Variants in GABRB2 observed in about 807,000 individuals in gnomAD.
The protein encoded by GABRB2 is gamma-aminobutyric acid receptor subunit beta-2.
GABRB2 carries 16 observed loss-of-function variants against 54.7 expected under a neutral mutation model. The observed-to-expected ratio is 0.29, with a 90% confidence interval of 0.20 to 0.44. The LOEUF is 0.44. Among genes scored for constraint, GABRB2 ranks in the 20% least tolerant of loss-of-function variants. The pLI, the probability that GABRB2 is intolerant of heterozygous loss-of-function variation, is 1.00. For missense variants in GABRB2, 355 were observed against 644.0 expected (o/e 0.55, Z 4.86); for synonymous variants, 244 against 233.8 (o/e 1.04, Z -0.40).
intron 5 of GABRB2, among the ~76,000 whole-genome samples, chr5:161,347,861 C>T (rs1580904215): frequency 6.6e-6 from 1 of 152,008 alleles, no homozygotes; most frequent in Admixed American, 6.5e-5. Context: ...CCATTTTTTT[C>T]CCCATTCATT....
intron 9 of GABRB2, among the ~76,000 whole-genome samples, chr5:161,317,064 T>C (rs1758061621): frequency 6.6e-6 from 1 of 152,032 alleles, no homozygotes; most frequent in Non-Finnish European, 1.5e-5. Context: ...GTGGCAGGTG[T>C]GTGTGTGTGC....
intron 9 of GABRB2, among the ~76,000 whole-genome samples, chr5:161,298,247 C>T (rs1211669403): frequency 6.6e-6 from 1 of 152,084 alleles, no homozygotes; most frequent in Non-Finnish European, 1.5e-5. Flanking sequence ...CTCTGATGAT[C>T]ATTTCTTTTG....
At chr5:161,495,468 T>G (rs935899966) in intron 3 of GABRB2, among the ~76,000 whole-genome samples, 54 of 152,118 alleles carry the variant, frequency 3.5e-4, no homozygotes, top group African/African-American at 1.2e-3. Flanking sequence ...TTTCACTGAT[T>G]TTAATGAATT....
chr5:161,333,009 C>T (rs1225539115), intron 7 of GABRB2, among the ~76,000 whole-genome samples: 1 of 152,094 alleles, frequency 6.6e-6, no homozygotes, highest in Non-Finnish European at 1.5e-5. Flanking sequence ...TACGGATGAT[C>T]CTGTATCATA....
chr5:161,344,108 A>C (rs1426725575), intron 5 of GABRB2, among the ~76,000 whole-genome samples: 1 of 152,096 alleles, frequency 6.6e-6, no homozygotes, highest in African/African-American at 2.4e-5. Flanking sequence ...CAGGCAAGGA[A>C]AATCTTGTAT....
rs150401895 is a variant in GABRB2, at chr5:161,536,000, C to T, written c.237+9227G>A. 1.6e-3 allele frequency among the ~76,000 whole-genome samples: 241 copies of T among 152,270 alleles called. 1 individual carries two copies. Among genetic ancestry groups the T allele is most frequent in the Non-Finnish European group, 1.8e-3 (120 of 68,022 alleles). On this transcript the variant is annotated intron_variant, in intron 3 of 9. Coordinates refer to ENST00000393959, the MANE Select transcript of GABRB2 (RefSeq NM_001371727.1). The stretch of plus-strand genomic sequence containing the variant: ...CAGGTGATGTCTCTGCACAGGAAGC[C>T]GGTTCCATGTCTGCTTCTGCCTTTA...
intron 5 of GABRB2, among the ~76,000 whole-genome samples, chr5:161,370,866 G>A (rs1755110601): frequency 6.6e-6 from 1 of 152,160 alleles, no homozygotes; most frequent in Non-Finnish European, 1.5e-5. Context: ...AGCCATCCAT[G>A]TGAACAAGTA....
intron 5 of GABRB2, among the ~76,000 whole-genome samples, chr5:161,345,563 T>C (rs1754298376): frequency 6.6e-6 from 1 of 152,106 alleles, no homozygotes; most frequent in African/African-American, 2.4e-5. Context: ...TTCAAGTTAT[T>C]TCAGTTACTT....
rs149080507 is a variant in GABRB2, at chr5:161,349,711, G to A, written c.542-12942C>T. Among the ~76,000 whole-genome samples the A allele has an allele frequency of 1.2e-3, 176 of 152,154 alleles. 1 individual carries two copies. The highest frequency in any genetic ancestry group is 4.0e-3 in the African/African-American group (167 of 41,538). On this transcript the variant is annotated intron_variant, in intron 5 of 9. Transcript: ENST00000393959. Reference sequence around the variant, plus strand: ...AGACTCGCATGGTGGGAAACTGAGGGAGCTCTCCAGATAACAGTCAGAAGA... The same window carrying A: ...AGACTCGCATGGTGGGAAACTGAGGAAGCTCTCCAGATAACAGTCAGAAGA...
intron 3 of GABRB2, among the ~76,000 whole-genome samples, chr5:161,480,016 G>A (rs1277103898): frequency 2.0e-5 from 3 of 152,042 alleles, no homozygotes; most frequent in African/African-American, 4.8e-5. Flanking sequence ...CATAATCCCT[G>A]TATTCTGTGA....
intron 8 of GABRB2, among the ~76,000 whole-genome samples, chr5:161,327,251 C>T (rs765365262): frequency 1.8e-4 from 28 of 152,210 alleles, no homozygotes; most frequent in Non-Finnish European, 2.9e-4. Flanking sequence ...ATGAAGACAA[C>T]GGTGAAAGTG....
At chr5:161,534,140 G>A (rs1285239597) in intron 3 of GABRB2, among the ~76,000 whole-genome samples, 1 of 152,074 alleles carries the variant, frequency 6.6e-6, no homozygotes, top group African/African-American at 2.4e-5. Flanking sequence ...TTACAATAGT[G>A]GCTCTCAACC....
intron 3 of GABRB2, among the ~76,000 whole-genome samples, chr5:161,469,828 G>A (rs1758387293): frequency 6.6e-6 from 1 of 151,960 alleles, no homozygotes; most frequent in Middle Eastern, 3.4e-3. Flanking sequence ...AAACCCTATG[G>A]CCATGAAGTA....
intron 9 of GABRB2, among the ~76,000 whole-genome samples, chr5:161,322,341 T>C (rs1170895708): frequency 2.0e-5 from 3 of 152,146 alleles, no homozygotes; most frequent in Non-Finnish European, 4.4e-5. Flanking sequence ...GCTCAAACAA[T>C]TCTCCTGCCT....
intron 3 of GABRB2, among the ~76,000 whole-genome samples, chr5:161,530,439 A>G (rs1451457550): frequency 1.3e-5 from 2 of 152,120 alleles, no homozygotes; most frequent in African/African-American, 4.8e-5. Flanking sequence ...ATAGACAGGA[A>G]GAGGTTTATG....
chr5:161,349,808 G>A (rs186692061), intron 5 of GABRB2, among the ~76,000 whole-genome samples: 231 of 152,162 alleles, frequency 1.5e-3, no homozygotes, highest in Non-Finnish European at 2.8e-3. Context: ...CTTGAAAGAA[G>A]AGCCTTTCCT....
intron 5 of GABRB2, among the ~76,000 whole-genome samples, chr5:161,382,715 T>C (rs971998015): frequency 3.3e-5 from 5 of 152,194 alleles, no homozygotes; most frequent in South Asian, 2.1e-4. Flanking sequence ...TGACTTGTTA[T>C]GTGTCTGTCC....
chr5:161,357,852 A>G (rs1754684491), intron 5 of GABRB2, among the ~76,000 whole-genome samples: 1 of 152,178 alleles, frequency 6.6e-6, no homozygotes, highest in Non-Finnish European at 1.5e-5. Context: ...GTTGGCATCA[A>G]GGAAGATAGG....
rs905848564 is a variant in GABRB2, at chr5:161,291,813, C to A, written c.*2268G>T. On this transcript the variant is annotated 3_prime_UTR_variant, in exon 10 of 10. Transcript: ENST00000393959. Reference sequence around the variant, plus strand: ...GGGCTCTGAGTTGACTCTAGAAGAGCCTTTTCAGAATGGCATTTTGGAGTT... The same window carrying A: ...GGGCTCTGAGTTGACTCTAGAAGAGACTTTTCAGAATGGCATTTTGGAGTT... 2 of 152,494 alleles carry A rather than the reference C, an allele frequency of 1.3e-5. No homozygotes were observed. The highest frequency in any genetic ancestry group is 3.9e-4 in the East Asian group (2 of 5,188). The allele number at this position is 152,494 out of a possible 1,614,324, so 9.4% of individuals were successfully genotyped here.
Sources: gnomAD v4.1 joint callset for allele counts (sites outside exome capture counted in the v4.1 genomes callset) on GRCh38, gnomAD v4.1.1 for gene constraint, MANE v1.5 for transcripts, NCBI Gene and HGNC (gene_info 2026-07-23, HGNC 2026-07-21) for gene names.